FHOD3: variants seen among roughly 807,000 people sequenced by gnomAD.
FHOD3 encodes FH1/FH2 domain-containing protein 3.
A neutral mutation model predicts 173.0 loss-of-function variants in FHOD3; 90 were observed. The ratio of observed to expected loss-of-function variants is 0.52; its 90% CI spans 0.44 to 0.62. FHOD3 has a LOEUF of 0.62. Among genes scored for constraint, FHOD3 ranks in the 20% least tolerant of loss-of-function variants. FHOD3 has a pLI of 0.00. For synonymous variants in FHOD3, 828 were observed against 823.0 expected (o/e 1.01, Z -0.10); for missense variants, 1,945 against 2,034.7 (o/e 0.96, Z 0.85).
intron 5 of FHOD3, among the ~76,000 whole-genome samples, chr18:36,531,884 A>G (rs1011828699): frequency 6.6e-6 from 1 of 152,180 alleles, no homozygotes; most frequent in Non-Finnish European, 1.5e-5. Flanking sequence ...TGTGCGTGTC[A>G]CAGTCTCCCC....
At chr18:36,551,448 C>T (rs1249974944) in intron 5 of FHOD3, among the ~76,000 whole-genome samples, 2 of 151,854 alleles carry the variant, frequency 1.3e-5, no homozygotes, top group African/African-American at 4.8e-5. Flanking sequence ...GGTATTATTT[C>T]TTTAATTTAA....
At chr18:36,723,533 G>A (rs1172203895) in intron 19 of FHOD3, among the ~76,000 whole-genome samples, 3 of 152,176 alleles carry the variant, frequency 2.0e-5, no homozygotes, top group African/African-American at 7.2e-5. Flanking sequence ...TCAACGGACA[G>A]TTTTGAAAAT....
intron 3 of FHOD3, among the ~76,000 whole-genome samples, chr18:36,478,765 A>G (rs1440532445): frequency 6.6e-6 from 1 of 152,110 alleles, no homozygotes; most frequent in East Asian, 1.9e-4. Context: ...TTTGTTACCC[A>G]TTAGTCCCAG....
At chr18:36,655,773 A>AC (rs1491153305) in intron 13 of FHOD3, among the ~76,000 whole-genome samples, 1,758 of 81,436 alleles carry the variant, frequency 0.022, 45 homozygotes, top group African/African-American at 0.082. Context: ...ACACACACAC[A>AC]AAAATGCTGA....
intron 5 of FHOD3, among the ~76,000 whole-genome samples, chr18:36,516,392 A>G (rs1294417856): frequency 6.6e-6 from 1 of 152,194 alleles, no homozygotes; most frequent in Non-Finnish European, 1.5e-5. Context: ...ACTGTGGGCA[A>G]ACACCTGCAT....
At position 36,645,470 on chromosome 18, in the gene FHOD3, T is replaced by C. The variant is rs1207759727; in HGVS notation, c.1197-3846T>C. ...GGCTTAGATGTGCTTGTTTGTGGCT[T>C]CTGCCATGACAGGAGGGATGCTATC... On this transcript the variant is annotated intron_variant, in intron 10 of 28. Transcript: ENST00000590592. Among the ~76,000 whole-genome samples the C allele has an allele frequency of 3.9e-5, 6 of 152,094 alleles. No homozygotes were observed. In the East Asian group the frequency reaches 1.2e-3, roughly 29 times the overall value.
chr18:36,433,894 G>C (rs1262112578), intron 3 of FHOD3, among the ~76,000 whole-genome samples: 1 of 152,130 alleles, frequency 6.6e-6, no homozygotes, highest in Non-Finnish European at 1.5e-5. Context: ...AATATGATGA[G>C]TTTAGACAAA....
chr18:36,544,268 C>T (rs558267562), intron 5 of FHOD3, among the ~76,000 whole-genome samples: 2 of 152,346 alleles, frequency 1.3e-5, no homozygotes, highest in African/African-American at 4.8e-5. Context: ...ACCCGATCTC[C>T]CTGAACATGT....
At chr18:36,352,622 C>T (rs931344369) in intron 1 of FHOD3, among the ~76,000 whole-genome samples, 4 of 152,208 alleles carry the variant, frequency 2.6e-5, no homozygotes, top group African/African-American at 9.6e-5. Flanking sequence ...GAGTGTGGAT[C>T]ACAGGCTCTG....
chr18:36,623,389 A>C (rs943786794), intron 9 of FHOD3, among the ~76,000 whole-genome samples: 5 of 152,246 alleles, frequency 3.3e-5, no homozygotes, highest in Non-Finnish European at 7.3e-5. Context: ...ATGGTCTAGA[A>C]TTTTTATTTA....
chr18:36,383,962 T>C (rs2047908637), intron 3 of FHOD3, among the ~76,000 whole-genome samples: 1 of 152,222 alleles, frequency 6.6e-6, no homozygotes, highest in Non-Finnish European at 1.5e-5. Context: ...CTTGATGCTA[T>C]AGCACAGGTC....
At chr18:36,748,819 C>A (rs780945079) in intron 24 of FHOD3, among the ~76,000 whole-genome samples, 7 of 152,164 alleles carry the variant, frequency 4.6e-5, no homozygotes, top group Non-Finnish European at 8.8e-5. Flanking sequence ...GTATGTAGAA[C>A]TGATTAAAGC....
chr18:36,562,501 T>TG (rs1327756637), intron 5 of FHOD3, among the ~76,000 whole-genome samples: 1 of 152,228 alleles, frequency 6.6e-6, no homozygotes, highest in East Asian at 1.9e-4. Flanking sequence ...CTATCAAACA[T>TG]GCAGCTGTGC....
chr18:36,445,187 G>A (rs1443077153), intron 3 of FHOD3, among the ~76,000 whole-genome samples: 1 of 152,186 alleles, frequency 6.6e-6, no homozygotes, highest in African/African-American at 2.4e-5. Flanking sequence ...TCTTCTAAAG[G>A]CATCAGCACA....
chr18:36,615,002 C>T (rs1188670381), intron 9 of FHOD3, among the ~76,000 whole-genome samples: 1 of 152,038 alleles, frequency 6.6e-6, no homozygotes, highest in African/African-American at 2.4e-5. Flanking sequence ...AGGCATGTGC[C>T]ACCACGCCCA....
chr18:36,547,657 C>T (rs948579307), intron 5 of FHOD3, among the ~76,000 whole-genome samples: 5 of 152,042 alleles, frequency 3.3e-5, no homozygotes, highest in Non-Finnish European at 5.9e-5. Context: ...GAACAGAACA[C>T]GGGAGGGAGG....
chr18:36,362,280 T>C (rs986728930), intron 2 of FHOD3, among the ~76,000 whole-genome samples: 3 of 152,006 alleles, frequency 2.0e-5, no homozygotes, highest in Admixed American at 6.6e-5. Context: ...GATTGGGGCC[T>C]CACCCAGGGT....
At chr18:36,602,831 C>T (rs1231520201) in intron 8 of FHOD3, 63 bp downstream of exon 8, 1 of 1,279,228 alleles carries the variant, frequency 7.8e-7, no homozygotes, top group Non-Finnish European at 1.1e-6. Context: ...AGCCCTGACC[C>T]CTGGTATCTG....
At chr18:36,617,907 T>G (rs2033361076) in intron 9 of FHOD3, among the ~76,000 whole-genome samples, 1 of 152,182 alleles carries the variant, frequency 6.6e-6, no homozygotes, top group South Asian at 2.1e-4. Context: ...TAAATTACAT[T>G]TCCTAGGAAA....
Sources: gnomAD v4.1 joint callset for allele counts (sites outside exome capture counted in the v4.1 genomes callset) on GRCh38, gnomAD v4.1.1 for gene constraint, MANE v1.5 for transcripts, NCBI Gene and HGNC (gene_info 2026-07-23, HGNC 2026-07-21) for gene names.